Variants in SHTN1 observed in about 807,000 individuals in gnomAD.
SHTN1 encodes the protein shootin-1.
Under a neutral mutation model 83.1 loss-of-function variants are expected in SHTN1, and 42 were observed. That is an observed-to-expected ratio of 0.51 (90% CI 0.39 to 0.65). SHTN1 has a LOEUF of 0.65. SHTN1 is among the 30% of genes least tolerant of loss of function. The probability of loss-of-function intolerance (pLI) is 0.00; values close to 1 mark genes in which losing one functional copy is unlikely to be tolerated. For synonymous variants in SHTN1, 224 were observed against 247.7 expected, an observed-to-expected ratio of 0.90 and a Z score of 0.90; for missense variants, 622 against 737.8, an observed-to-expected ratio of 0.84 and a Z score of 1.82.
chr10:116,945,763 G>A (rs971596570), intron 7 of SHTN1, among the ~76,000 whole-genome samples: 2 of 152,268 alleles, frequency 1.3e-5, no homozygotes, highest in African/African-American at 4.8e-5. Flanking sequence ...ATGTGCACCA[G>A]ATGACATGTC....
intron 1 of SHTN1, among the ~76,000 whole-genome samples, chr10:117,061,445 G>A (rs560855294): frequency 2.0e-5 from 3 of 151,986 alleles, no homozygotes; most frequent in African/African-American, 2.4e-5. Flanking sequence ...CGATCCGCCC[G>A]CCTTGGCCTC....
intron 14 of SHTN1, among the ~76,000 whole-genome samples, chr10:116,910,348 G>A (rs754020971): frequency 1.3e-5 from 2 of 152,130 alleles, no homozygotes; most frequent in Non-Finnish European, 2.9e-5. Context: ...TAGATCCAAG[G>A]CAAGAAGGAT....
At chr10:117,004,970 T>C in intron 1 of SHTN1, 52 bp downstream of exon 1, 1 of 1,531,336 alleles carries the variant, frequency 6.5e-7, no homozygotes, top group African/African-American at 1.4e-5. Flanking sequence ...CCTGGGGCCG[T>C]CCCCGCCCAC....
intron 2 of SHTN1, 135 bp from the exon 3 acceptor site, chr10:116,968,847 A>C (rs905080778): frequency 1.5e-6 from 1 of 670,846 alleles, no homozygotes; most frequent in African/African-American, 1.8e-5. Context: ...GAAAAGCATC[A>C]ATGGTCATAT....
chr10:117,084,217 G>C (rs1024881271), intron 1 of SHTN1, among the ~76,000 whole-genome samples: 5 of 151,856 alleles, frequency 3.3e-5, no homozygotes, highest in African/African-American at 1.2e-4. Context: ...GTACAGATGG[G>C]TTTTTGGTGT....
chr10:117,084,858 G>A (rs553043405), intron 1 of SHTN1, among the ~76,000 whole-genome samples: 10 of 151,470 alleles, frequency 6.6e-5, no homozygotes, highest in African/African-American at 1.4e-4. Context: ...GACCCCTTGC[G>A]CTTCCCGAGT....
chr10:117,075,180 A>T (rs1280812054), intron 1 of SHTN1, among the ~76,000 whole-genome samples: 1 of 152,140 alleles, frequency 6.6e-6, no homozygotes, highest in Non-Finnish European at 1.5e-5. Flanking sequence ...AGTATTTAGG[A>T]ATCTGCTTTG....
At chr10:116,961,682 C>A (rs1212686293) in intron 3 of SHTN1, among the ~76,000 whole-genome samples, 2 of 152,160 alleles carry the variant, frequency 1.3e-5, no homozygotes, top group African/African-American at 2.4e-5. Context: ...CTAAATGACA[C>A]GTTAAGCGTA....
chr10:117,088,890 C>T (rs564499441), intron 1 of SHTN1, among the ~76,000 whole-genome samples: 24 of 152,328 alleles, frequency 1.6e-4, no homozygotes, highest in Non-Finnish European at 3.1e-4. Context: ...GTCTGGGGCA[C>T]TTTCAGTGAA....
intron 3 of SHTN1, 50 bp downstream of exon 3, chr10:116,968,602 C>G: frequency 7.6e-7 from 1 of 1,323,142 alleles, no homozygotes. Context: ...CTCACATAAT[C>G]CCCAATAGGC....
intron 1 of SHTN1, among the ~76,000 whole-genome samples, chr10:117,083,231 G>A (rs11492665): frequency 1.7e-5 from 2 of 118,670 alleles, no homozygotes; most frequent in African/African-American, 5.6e-5. Flanking sequence ...GGCAGTCCTG[G>A]TGGTGACAAA....
intron 1 of SHTN1, among the ~76,000 whole-genome samples, chr10:117,064,229 C>A (rs775196148): frequency 2.6e-5 from 4 of 152,128 alleles, no homozygotes; most frequent in African/African-American, 9.7e-5. Flanking sequence ...CTGTGGCTAC[C>A]AATTGGGCAC....
At chr10:117,097,861 T>C (rs1853528251) in intron 1 of SHTN1, among the ~76,000 whole-genome samples, 1 of 152,118 alleles carries the variant, frequency 6.6e-6, no homozygotes, top group African/African-American at 2.4e-5. Context: ...ACCTCTAATA[T>C]CTTTGTTGAT....
intron 11 of SHTN1, among the ~76,000 whole-genome samples, chr10:116,922,137 A>T (rs61872991): frequency 0.034 from 5,112 of 152,296 alleles, 133 homozygotes; most frequent in Non-Finnish European, 0.054. Flanking sequence ...AATGAGAAAA[A>T]GCACATAATT....
At chr10:116,944,863 C>G (rs1213343740) in intron 8 of SHTN1, 61 bp downstream of exon 8, 2 of 1,079,838 alleles carry the variant, frequency 1.9e-6, no homozygotes, top group African/African-American at 3.1e-5. Context: ...TGCACTCCAG[C>G]CTGGTGACAG....
chr10:117,054,406 C>CTT (rs1214269438), intron 1 of SHTN1, among the ~76,000 whole-genome samples: 28 of 138,462 alleles, frequency 2.0e-4, no homozygotes, highest in Non-Finnish European at 2.8e-4. Flanking sequence ...GCATCCTTAT[C>CTT]TTTTTTTTTT....
Position 116,884,196 on chromosome 10 carries a change from C to A in SHTN1, c.*2148G>T. 1 of 456,778 alleles carries A rather than the reference C, an allele frequency of 2.2e-6. No individual in the cohort carries two copies. The highest frequency in any genetic ancestry group is 4.4e-6 in the Non-Finnish European group (1 of 227,002). 28.3% of individuals were successfully genotyped at this position (456,778 alleles called of 1,614,324 possible). On this transcript the variant is annotated 3_prime_UTR_variant, in exon 17 of 17. Coordinates refer to ENST00000355371, the MANE Select transcript of SHTN1 (RefSeq NM_001127211.3). Reference sequence around the variant, plus strand: ...TGTGTGTGCAATAGCTATGAACATACCTTGCAGATATAAGCACGGTTCTCC... The same window carrying A: ...TGTGTGTGCAATAGCTATGAACATAACTTGCAGATATAAGCACGGTTCTCC...
chr10:116,909,197 T>C (rs929876902), intron 14 of SHTN1, among the ~76,000 whole-genome samples: 17 of 152,272 alleles, frequency 1.1e-4, no homozygotes, highest in African/African-American at 4.1e-4. Flanking sequence ...ATCTAGAACT[T>C]AGATTTCCCA....
chr10:116,958,113 T>C (rs892816197), intron 4 of SHTN1, among the ~76,000 whole-genome samples: 2 of 152,120 alleles, frequency 1.3e-5, no homozygotes, highest in Non-Finnish European at 2.9e-5. Flanking sequence ...GAATTAAACA[T>C]TCCATTTGTC....
Sources: gnomAD v4.1 joint callset for allele counts (sites outside exome capture counted in the v4.1 genomes callset) on GRCh38, gnomAD v4.1.1 for gene constraint, MANE v1.5 for transcripts, NCBI Gene and HGNC (gene_info 2026-07-23, HGNC 2026-07-21) for gene names.